COL26A1: variants seen among roughly 807,000 people sequenced by gnomAD.
The protein encoded by COL26A1 is collagen alpha-1(XXVI) chain.
In COL26A1, 41 loss-of-function variants were observed where a neutral mutation model predicts 59.3. The observed-to-expected ratio is 0.69, with a 90% CI of 0.54 to 0.90. The LOEUF (loss-of-function observed/expected upper bound fraction) is 0.90, where lower values mean the gene tolerates loss of function less well. Among genes scored for constraint, COL26A1 ranks in the 40% least tolerant of loss-of-function variants. The pLI, the probability that COL26A1 is intolerant of heterozygous loss-of-function variation, is 0.00. For synonymous variants in COL26A1, 266 were observed against 256.0 expected, an observed-to-expected ratio of 1.04 and a Z score of -0.37; for missense variants, 612 against 602.3, an observed-to-expected ratio of 1.02 and a Z score of -0.17.
chr7:101,517,532 A>G (rs1795054553), intron 3 of COL26A1, among the ~76,000 whole-genome samples: 1 of 152,176 alleles, frequency 6.6e-6, no homozygotes, highest in African/African-American at 2.4e-5. Flanking sequence ...TCCCACTTAT[A>G]TAATCATCAG....
intron 11 of COL26A1, among the ~76,000 whole-genome samples, chr7:101,555,334 G>A (rs1187559804): frequency 6.6e-6 from 1 of 152,194 alleles, no homozygotes; most frequent in African/African-American, 2.4e-5. Context: ...CTTGCCTGCT[G>A]TTTGGTGGCG....
At chr7:101,408,315 C>T (rs1346845825) in intron 1 of COL26A1, among the ~76,000 whole-genome samples, 1 of 152,230 alleles carries the variant, frequency 6.6e-6, no homozygotes, top group Non-Finnish European at 1.5e-5. Flanking sequence ...TGAGGCTCTG[C>T]AGCTGGGATG....
chr7:101,465,708 AAAAAG>A (rs1186437497), intron 3 of COL26A1, among the ~76,000 whole-genome samples: 1 of 150,078 alleles, frequency 6.7e-6, no homozygotes, highest in South Asian at 2.1e-4. Context: ...AAAAAAAAAA[AAAAAG>A]AAAAGAAAAA....
rs559255978 is a variant in COL26A1, at chr7:101,386,430, A to T, written c.158+23240A>T. On this transcript the variant is annotated intron_variant, in intron 1 of 12. Coordinates refer to ENST00000313669, the MANE Select transcript of COL26A1 (RefSeq NM_001278563.3). ...CACCACCTAGCTAATTTTAATCTTT[A>T]TTTTTTTTGAGATAGGGTTTCACTC... 3.3e-5 allele frequency among the ~76,000 whole-genome samples: 5 copies of T among 150,566 alleles called. No homozygotes were observed. In the South Asian group the frequency reaches 1.0e-3, roughly 32 times the overall value.
At chr7:101,425,496 A>G (rs1185489290) in intron 2 of COL26A1, among the ~76,000 whole-genome samples, 1 of 152,086 alleles carries the variant, frequency 6.6e-6, no homozygotes, top group Non-Finnish European at 1.5e-5. Context: ...GAGATGTCAG[A>G]GAACTCTGGG....
intron 4 of COL26A1, among the ~76,000 whole-genome samples, chr7:101,537,630 C>T (rs1795508047): frequency 6.6e-6 from 1 of 152,154 alleles, no homozygotes; most frequent in Non-Finnish European, 1.5e-5. Flanking sequence ...GCAGGGGTGT[C>T]CCAGTGGGAG....
chr7:101,453,224 G>A lies in COL26A1; in HGVS notation c.385+5437G>A, dbSNP rs554543483. 5.8e-4 allele frequency among the ~76,000 whole-genome samples: 88 copies of A among 152,250 alleles called. 1 individual carries two copies. Among genetic ancestry groups the A allele is most frequent in the South Asian group, 1.9e-3 (9 of 4,822 alleles). ...TCTACTAAAAATAGAAAAACTAGCC[G>A]GGCGTGGTGGCACGTGCCCGTAGCC... On this transcript the variant is annotated intron_variant, in intron 3 of 12. Transcript: ENST00000313669.
rs151209783 is a variant in COL26A1, at chr7:101,402,350, G to A, written c.159-17627G>A. ...GCCTCCCCGCTGATTGCAGGAGGATGGGAGGAAATTAAAAGCAGGAATCCT... is the reference window on the plus strand; with the variant it reads ...GCCTCCCCGCTGATTGCAGGAGGATAGGAGGAAATTAAAAGCAGGAATCCT... On this transcript the variant is annotated intron_variant, in intron 1 of 12. Transcript: ENST00000313669. Among the ~76,000 whole-genome samples the A allele has an allele frequency of 2.1e-3, 315 of 152,168 alleles. 1 individual carries two copies. The highest frequency in any genetic ancestry group is 8.7e-3 in the South Asian group (42 of 4,816).
At chr7:101,501,469 C>T (rs1230359748) in intron 3 of COL26A1, among the ~76,000 whole-genome samples, 1 of 152,180 alleles carries the variant, frequency 6.6e-6, no homozygotes, top group African/African-American at 2.4e-5. Context: ...TAGCCAGTTT[C>T]TTCAGCTCCA....
intron 8 of COL26A1, among the ~76,000 whole-genome samples, chr7:101,548,756 A>G (rs1398642504): frequency 6.6e-6 from 1 of 152,076 alleles, no homozygotes; most frequent in African/African-American, 2.4e-5. Context: ...CTTGGGGGCC[A>G]TAGGAAGGGT....
At chr7:101,385,229 CACTATA>C (rs1562956965) in intron 1 of COL26A1, among the ~76,000 whole-genome samples, 5 of 25,542 alleles carry the variant, frequency 2.0e-4, no homozygotes, top group Non-Finnish European at 3.0e-4. Context: ...CACACACACA[CACTATA>C]TATATATATA....
chr7:101,390,869 A>G (rs1345508767), intron 1 of COL26A1, among the ~76,000 whole-genome samples: 1 of 152,226 alleles, frequency 6.6e-6, no homozygotes, highest in East Asian at 1.9e-4. Context: ...CAACCGGTCC[A>G]GGCTGTGTGG....
At chr7:101,413,130 T>C (rs555404185) in intron 1 of COL26A1, among the ~76,000 whole-genome samples, 1 of 152,180 alleles carries the variant, frequency 6.6e-6, no homozygotes, top group Admixed American at 6.6e-5. Flanking sequence ...CCTGGTGGGG[T>C]GAAAGTACTG....
At chr7:101,388,280 C>T (rs1791640699) in intron 1 of COL26A1, among the ~76,000 whole-genome samples, 2 of 151,662 alleles carry the variant, frequency 1.3e-5, no homozygotes, top group African/African-American at 4.8e-5. Context: ...CAAGACCAGC[C>T]TGGCCAACAT....
intron 3 of COL26A1, among the ~76,000 whole-genome samples, chr7:101,485,432 C>T (rs963674455): frequency 3.9e-5 from 6 of 152,164 alleles, no homozygotes; most frequent in African/African-American, 7.2e-5. Context: ...GGGTCTTTTT[C>T]GTCATAGGCT....
At chr7:101,370,687 T>C (rs1791171166) in intron 1 of COL26A1, among the ~76,000 whole-genome samples, 1 of 152,110 alleles carries the variant, frequency 6.6e-6, no homozygotes, top group African/African-American at 2.4e-5. Flanking sequence ...TTCCTTCATC[T>C]ATACCTGCTG....
chr7:101,488,511 G>T (rs1794318293), intron 3 of COL26A1, among the ~76,000 whole-genome samples: 1 of 149,318 alleles, frequency 6.7e-6, no homozygotes, highest in African/African-American at 2.5e-5. Context: ...GAGTAGCTGG[G>T]ATTATAGGTG....
intron 3 of COL26A1, among the ~76,000 whole-genome samples, chr7:101,475,284 GAGACAAGGAT>G (rs535923471): frequency 0.098 from 14,843 of 152,014 alleles, 1,584 homozygotes; most frequent in African/African-American, 0.26. Context: ...TGTGTCCTCA[GAGACAAGGAT>G]GTTCCTTTCC....
intron 3 of COL26A1, among the ~76,000 whole-genome samples, chr7:101,506,799 G>A (rs1794821053): frequency 6.6e-6 from 1 of 152,172 alleles, no homozygotes; most frequent in Non-Finnish European, 1.5e-5. Context: ...TGCATGGATT[G>A]GTCACAAGCT....
Sources: gnomAD v4.1 joint callset for allele counts (sites outside exome capture counted in the v4.1 genomes callset) on GRCh38, gnomAD v4.1.1 for gene constraint, MANE v1.5 for transcripts, NCBI Gene and HGNC (gene_info 2026-07-23, HGNC 2026-07-21) for gene names.